ATG7: variants seen among roughly 807,000 people sequenced by gnomAD.
ATG7 encodes ubiquitin-like modifier-activating enzyme ATG7.
A neutral mutation model predicts 82.4 loss-of-function variants in ATG7; 70 were observed. That is an observed-to-expected ratio of 0.85 (90% confidence interval 0.70 to 1.04). The LOEUF is 1.04. ATG7 is among the 50% of genes least tolerant of loss of function. The pLI is 0.00. For missense variants in ATG7, 792 were observed against 864.3 expected, an observed-to-expected ratio of 0.92 and a Z score of 1.05; for synonymous variants, 287 against 313.0, an observed-to-expected ratio of 0.92 and a Z score of 0.88.
rs941328613 is a variant in ATG7 at position 11,425,050 on chromosome 3, C to A, written c.1957-1754C>A. Reference sequence around the variant, plus strand: ...TGATCATAACTAGTTGCAGCCTCAACCTCCTGAGTTCAGGTGATCCTCCCA... The same window carrying A: ...TGATCATAACTAGTTGCAGCCTCAAACTCCTGAGTTCAGGTGATCCTCCCA... On this transcript the variant is annotated intron_variant, in intron 19 of 20. Transcript: ENST00000693202. Among the ~76,000 whole-genome samples, 7 of 152,104 alleles carry A rather than the reference C, an allele frequency of 4.6e-5. No individual in the cohort carries two copies. In the East Asian group the frequency reaches 1.2e-3, roughly 25 times the overall value.
chr3:11,442,805 C>G (rs903329747), intron 20 of ATG7, among the ~76,000 whole-genome samples: 1 of 146,728 alleles, frequency 6.8e-6, no homozygotes, highest in African/African-American at 2.5e-5. Context: ...CCTGTAGTCC[C>G]AGCTACTTGG....
intron 3 of ATG7, among the ~76,000 whole-genome samples, chr3:11,298,203 A>G (rs1489366673): frequency 6.6e-6 from 1 of 152,138 alleles, no homozygotes; most frequent in Non-Finnish European, 1.5e-5. Flanking sequence ...TCACTGTGTC[A>G]TGAGGAGAAT....
At chr3:11,336,500 G>A (rs1952517769) in intron 11 of ATG7, among the ~76,000 whole-genome samples, 1 of 152,050 alleles carries the variant, frequency 6.6e-6, no homozygotes, top group Non-Finnish European at 1.5e-5. Flanking sequence ...AAATTAATAT[G>A]TTCCCTCTTA....
chr3:11,447,208 G>A lies in ATG7; in HGVS notation c.2079+20282G>A, dbSNP rs539807562. Among the ~76,000 whole-genome samples the A allele has an allele frequency of 9.2e-5, 14 of 152,348 alleles. No homozygotes were observed. The East Asian group carries it at 2.5e-3, about 27-fold the overall frequency. On this transcript the variant is annotated intron_variant, in intron 20 of 20. Coordinates refer to ENST00000693202, the MANE Select transcript of ATG7 (RefSeq NM_001349232.2). ...TGGCTGGACACAGTGGCTTACGCCT[G>A]TAATCCCAGCACTTTGGGAGGCTGA... is the stretch of plus-strand genomic sequence containing the variant.
intron 20 of ATG7, among the ~76,000 whole-genome samples, chr3:11,431,996 A>G (rs2082936269): frequency 6.6e-6 from 1 of 152,330 alleles, no homozygotes; most frequent in African/African-American, 2.4e-5. Flanking sequence ...GATTGCAATG[A>G]TTTTGAACTA....
At chr3:11,409,775 C>CTTT (rs36100546) in intron 19 of ATG7, among the ~76,000 whole-genome samples, 8 of 144,368 alleles carry the variant, frequency 5.5e-5, no homozygotes, top group African/African-American at 1.8e-4. Flanking sequence ...TGTCTAGATT[C>CTTT]TTTTTTTTTT....
At chr3:11,564,713 G>A in the ATG7 span, 25 of 1,232,142 alleles carry the variant, frequency 2.0e-5, no homozygotes, top group Middle Eastern at 2.7e-4. Context: ...CACCGCCCTC[G>A]GAGTCCTCTG....
chr3:11,299,125 TA>T (rs778164093), intron 4 of ATG7: 62 of 601,960 alleles, frequency 1.0e-4, no homozygotes, highest in Non-Finnish European at 1.6e-4. Flanking sequence ...AGATTGGAAA[TA>T]TTTTTTCCAT....
At chr3:11,438,534 C>T (rs1253813704) in intron 20 of ATG7, among the ~76,000 whole-genome samples, 1 of 151,980 alleles carries the variant, frequency 6.6e-6, no homozygotes, top group South Asian at 2.1e-4. Context: ...CCACTGTACT[C>T]CAGCCTGGGA....
chr3:11,389,540 T>A (rs1297050610), intron 19 of ATG7, among the ~76,000 whole-genome samples: 1 of 151,996 alleles, frequency 6.6e-6, no homozygotes. Context: ...CATCTTGAAT[T>A]TACAGCCATC....
At chr3:11,322,152 T>C (rs1373085134) in intron 9 of ATG7, among the ~76,000 whole-genome samples, 2 of 152,262 alleles carry the variant, frequency 1.3e-5, no homozygotes, top group Admixed American at 1.3e-4. Context: ...GCTGGAGTTC[T>C]TTGTCATTTA....
chr3:11,386,131 A>G (rs547448851), intron 19 of ATG7, among the ~76,000 whole-genome samples: 11 of 152,280 alleles, frequency 7.2e-5, no homozygotes, highest in African/African-American at 2.6e-4. Flanking sequence ...CTGGACTGCC[A>G]AGTGACCACA....
At chr3:11,436,804 T>C (rs2083408778) in intron 20 of ATG7, among the ~76,000 whole-genome samples, 1 of 152,172 alleles carries the variant, frequency 6.6e-6, no homozygotes, top group African/African-American at 2.4e-5. Context: ...AAGAAGCCAG[T>C]CACAAAAGGA....
At chr3:11,559,686 G>A (rs991429221), downstream of ATG7, among the ~76,000 whole-genome samples, 1 of 152,222 alleles carries the variant, frequency 6.6e-6, no homozygotes, top group African/African-American at 2.4e-5. Context: ...GGATCAGTGA[G>A]GGTACAAAGG....
intron 20 of ATG7, among the ~76,000 whole-genome samples, chr3:11,494,891 G>A (rs1381642232): frequency 6.6e-6 from 1 of 152,138 alleles, no homozygotes; most frequent in East Asian, 1.9e-4. Context: ...GACCAACATG[G>A]TGAAACCCCG....
the ATG7 span, among the ~76,000 whole-genome samples, chr3:11,572,158 T>C: frequency 6.6e-6 from 1 of 152,194 alleles, no homozygotes; most frequent in South Asian, 2.1e-4. Flanking sequence ...TGAGTATCTT[T>C]ATTATCATCA....
rs1287281488 is a variant in ATG7, at chr3:11,554,975, C to T, written c.*132C>T. ...CCATACCCCGAGGTCTGGGATTCCC[C>T]CCTCTGCTGCCCAGGAGTGGCCAGT... On this transcript the variant is annotated 3_prime_UTR_variant, in exon 21 of 21. Coordinates refer to ENST00000693202, the MANE Select transcript of ATG7 (RefSeq NM_001349232.2). 2 of 1,156,670 alleles carry T rather than the reference C, an allele frequency of 1.7e-6. No individual in the cohort carries two copies. Among genetic ancestry groups the T allele is most frequent in the Non-Finnish European group, 1.2e-6 (1 of 835,486 alleles). The allele number at this position is 1,156,670 out of a possible 1,614,324, so 71.7% of individuals were successfully genotyped here.
chr3:11,370,004 G>A (rs1056914018), intron 18 of ATG7, among the ~76,000 whole-genome samples: 2 of 151,096 alleles, frequency 1.3e-5, no homozygotes, highest in Admixed American at 6.6e-5. Flanking sequence ...GGCACGTTAC[G>A]TATCTTCTCT....
intron 19 of ATG7, among the ~76,000 whole-genome samples, chr3:11,380,999 A>G (rs1559506009): frequency 6.6e-6 from 1 of 152,222 alleles, no homozygotes. Flanking sequence ...TTCTCTAAAA[A>G]TTGAATGTAG....
Sources: gnomAD v4.1 joint callset for allele counts (sites outside exome capture counted in the v4.1 genomes callset) on GRCh38, gnomAD v4.1.1 for gene constraint, MANE v1.5 for transcripts, NCBI Gene and HGNC (gene_info 2026-07-23, HGNC 2026-07-21) for gene names.